Variants in SLC9C2 observed in about 807,000 individuals in gnomAD.
SLC9C2 encodes solute carrier family 9 member C2 (putative), also known as sodium/hydrogen exchanger 11.
SLC9C2 carries 75 observed loss-of-function variants against 140.2 expected under a neutral mutation model. The ratio of observed to expected loss-of-function variants is 0.53; its 90% CI spans 0.44 to 0.65. The LOEUF (loss-of-function observed/expected upper bound fraction) is 0.65. Ranked by LOEUF, SLC9C2 falls within the 30% of genes least tolerant of loss-of-function variation. The pLI is 0.00. For missense variants in SLC9C2, 1,074 were observed against 1,331.8 expected, an observed-to-expected ratio of 0.81 and a Z score of 3.01; for synonymous variants, 375 against 420.9, an observed-to-expected ratio of 0.89 and a Z score of 1.34.
chr1:173,531,660 T>C (rs1294010750), intron 17 of SLC9C2, among the ~76,000 whole-genome samples: 1 of 152,234 alleles, frequency 6.6e-6, no homozygotes, highest in Admixed American at 6.5e-5. Flanking sequence ...CTACTGTCTC[T>C]AATAAATAAA....
chr1:173,505,210 T>G (rs1200214237), intron 26 of SLC9C2, 37 bp downstream of exon 26: 1 of 1,524,150 alleles, frequency 6.6e-7, no homozygotes, highest in South Asian at 1.1e-5. Flanking sequence ...AAGTTCCTTC[T>G]CAATAGTTTT....
intron 25 of SLC9C2, among the ~76,000 whole-genome samples, chr1:173,505,737 C>T (rs893172396): frequency 2.6e-5 from 4 of 152,178 alleles, no homozygotes; most frequent in African/African-American, 9.7e-5. Context: ...TCCCAGAATG[C>T]CAGCATCAAA....
intron 3 of SLC9C2, among the ~76,000 whole-genome samples, chr1:173,599,289 T>C (rs1166619254): frequency 1.4e-5 from 2 of 147,546 alleles, no homozygotes; most frequent in Non-Finnish European, 3.0e-5. Flanking sequence ...CCAGTGTATG[T>C]GCAGGGGAAG....
intron 22 of SLC9C2, among the ~76,000 whole-genome samples, chr1:173,520,881 T>C (rs2101943948): frequency 6.6e-6 from 1 of 152,340 alleles, no homozygotes; most frequent in South Asian, 2.1e-4. Context: ...AAAGGATTCT[T>C]GTCCCCATCA....
rs1666641337 is a variant in SLC9C2, at chr1:173,599,386, T to TTC, written c.228+730_228+731insGA. ...GATTTTTTTTTTTTTTTTTTTTTTT[T>TTC]TTTTTTGAGACGGAGTCTTGCTCTG... On this transcript the variant is annotated intron_variant, in intron 3 of 27. Coordinates refer to ENST00000367714, the MANE Select transcript of SLC9C2 (RefSeq NM_178527.4). Among the ~76,000 whole-genome samples, 16 of 124,570 alleles carry TTC rather than the reference T, an allele frequency of 1.3e-4. No individual in the cohort carries two copies. In the South Asian group the frequency reaches 4.2e-3, roughly 33 times the overall value. 81.7% of individuals were successfully genotyped at this position (124,570 alleles called of 152,430 possible).
intron 5 of SLC9C2, 25 bp downstream of exon 5, chr1:173,587,640 A>G: frequency 6.3e-7 from 1 of 1,585,246 alleles, no homozygotes; most frequent in African/African-American, 1.4e-5. Context: ...TTTCAAGATA[A>G]GAGAGAGAAA....
At chr1:173,594,257 G>A (rs1365616287) in intron 4 of SLC9C2, among the ~76,000 whole-genome samples, 1 of 152,116 alleles carries the variant, frequency 6.6e-6, no homozygotes, top group Admixed American at 6.5e-5. Context: ...ACTGCAGGAT[G>A]ACTATAGTTA....
intron 27 of SLC9C2, 106 bp downstream of exon 27, chr1:173,503,160 C>A: frequency 1.2e-6 from 1 of 805,448 alleles, no homozygotes. Context: ...CTAGGAGTGT[C>A]TTTTCTCACC....
chr1:173,572,747 G>T (rs1201435995), intron 9 of SLC9C2, among the ~76,000 whole-genome samples: 1 of 152,216 alleles, frequency 6.6e-6, no homozygotes, highest in African/African-American at 2.4e-5. Flanking sequence ...TTGGTACATA[G>T]CATGATAGTG....
chr1:173,600,659 T>A (rs1040903415), intron 2 of SLC9C2, among the ~76,000 whole-genome samples: 3 of 152,138 alleles, frequency 2.0e-5, no homozygotes, highest in Admixed American at 6.5e-5. Context: ...TCAAGGAGCA[T>A]CTGTACTTCT....
At chr1:173,575,252 G>C (rs1407957604) in intron 8 of SLC9C2, among the ~76,000 whole-genome samples, 1 of 152,098 alleles carries the variant, frequency 6.6e-6, no homozygotes, top group Non-Finnish European at 1.5e-5. Context: ...CACTTAACAA[G>C]GAGCACTTCT....
At chr1:173,549,607 C>G (rs1289510405) in intron 11 of SLC9C2, among the ~76,000 whole-genome samples, 1 of 152,174 alleles carries the variant, frequency 6.6e-6, no homozygotes, top group Non-Finnish European at 1.5e-5. Flanking sequence ...GAGGAGGGAC[C>G]TTTTAAAAGC....
chr1:173,601,948 A>C, intron 1 of SLC9C2, 93 bp from the exon 2 acceptor site: 1 of 761,922 alleles, frequency 1.3e-6, no homozygotes, highest in Non-Finnish European at 2.1e-6. Flanking sequence ...AGATCTGAAC[A>C]TGTCTCTTCT....
intron 25 of SLC9C2, among the ~76,000 whole-genome samples, chr1:173,505,701 T>C (rs531617909): frequency 2.2e-4 from 33 of 152,176 alleles, no homozygotes; most frequent in Non-Finnish European, 4.1e-4. Context: ...CTTAGACCAT[T>C]TGTCCCATGT....
intron 9 of SLC9C2, among the ~76,000 whole-genome samples, chr1:173,568,240 C>T (rs1310967088): frequency 2.6e-5 from 4 of 152,164 alleles, no homozygotes; most frequent in Non-Finnish European, 4.4e-5. Flanking sequence ...GTATTAAGCC[C>T]AGTACCTAAT....
At chr1:173,582,450 T>C (rs1322556935) in intron 6 of SLC9C2, among the ~76,000 whole-genome samples, 2 of 152,112 alleles carry the variant, frequency 1.3e-5, no homozygotes, top group Non-Finnish European at 2.9e-5. Context: ...AAAATGAAGA[T>C]AAGAAATTTT....
intron 24 of SLC9C2, among the ~76,000 whole-genome samples, chr1:173,508,327 AT>A (rs5778767): frequency 0.2 from 30,568 of 151,754 alleles, 4,281 homozygotes; most frequent in East Asian, 0.64. Flanking sequence ...AATAAATACA[AT>A]TTTTTTAATG....
intron 11 of SLC9C2, among the ~76,000 whole-genome samples, chr1:173,549,941 C>T (rs1663137961): frequency 6.6e-6 from 1 of 152,106 alleles, no homozygotes; most frequent in African/African-American, 2.4e-5. Context: ...GAGAGAAACC[C>T]ACATATTTTA....
At chr1:173,570,682 G>C (rs1235580994) in intron 9 of SLC9C2, among the ~76,000 whole-genome samples, 1 of 152,194 alleles carries the variant, frequency 6.6e-6, no homozygotes, top group Admixed American at 6.5e-5. Flanking sequence ...CCCACAGCTT[G>C]CTGAGAAACT....
Sources: gnomAD v4.1 joint callset for allele counts (sites outside exome capture counted in the v4.1 genomes callset) on GRCh38, gnomAD v4.1.1 for gene constraint, MANE v1.5 for transcripts, NCBI Gene and HGNC (gene_info 2026-07-23, HGNC 2026-07-21) for gene names.